ADAMTS6: variants seen among roughly 807,000 people sequenced by gnomAD.
ADAMTS6 encodes the protein A disintegrin and metalloproteinase with thrombospondin motifs 6.
ADAMTS6 carries 23 observed loss-of-function variants against 144.3 expected under a neutral mutation model. That is an observed-to-expected ratio of 0.16 (90% CI 0.11 to 0.23). The LOEUF is 0.23. Among genes scored for constraint, ADAMTS6 ranks in the 10% least tolerant of loss-of-function variants. The probability of loss-of-function intolerance (pLI) is 1.00; values close to 1 mark genes in which losing one functional copy is unlikely to be tolerated. For missense variants in ADAMTS6, 999 were observed against 1,379.6 expected (o/e 0.72, Z 4.37); for synonymous variants, 444 against 457.5 (o/e 0.97, Z 0.38).
chr5:65,442,845 A>G (rs980930249), intron 7 of ADAMTS6, among the ~76,000 whole-genome samples: 1 of 151,852 alleles, frequency 6.6e-6, no homozygotes, highest in African/African-American at 2.4e-5. Flanking sequence ...CCTACCCTCA[A>G]CAGGCCCCAG....
At chr5:65,376,060 A>G (rs1312730535) in intron 7 of ADAMTS6, among the ~76,000 whole-genome samples, 1 of 150,396 alleles carries the variant, frequency 6.6e-6, no homozygotes, top group Admixed American at 6.6e-5. Context: ...GAATTGAACA[A>G]TGAGAACACA....
intron 11 of ADAMTS6, among the ~76,000 whole-genome samples, chr5:65,280,595 C>A (rs1173543225): frequency 6.6e-6 from 1 of 152,146 alleles, no homozygotes; most frequent in Non-Finnish European, 1.5e-5. Context: ...ATGAAAAAAA[C>A]AAGGCTTGTG....
intron 3 of ADAMTS6, among the ~76,000 whole-genome samples, chr5:65,462,274 A>G (rs1759687067): frequency 6.6e-6 from 1 of 152,154 alleles, no homozygotes; most frequent in Non-Finnish European, 1.5e-5. Flanking sequence ...AGCAAGGTCT[A>G]GGCTACAGTC....
chr5:65,339,752 C>T (rs1747645166), intron 7 of ADAMTS6, among the ~76,000 whole-genome samples: 2 of 151,116 alleles, frequency 1.3e-5, no homozygotes, highest in African/African-American at 2.4e-5. Flanking sequence ...CTAGATCAGG[C>T]AGAAGAAAGA....
At chr5:65,168,747 T>C (rs1304893513) in intron 24 of ADAMTS6, among the ~76,000 whole-genome samples, 1 of 144,490 alleles carries the variant, frequency 6.9e-6, no homozygotes. Context: ...TACAACTATC[T>C]GATCTTTGAC....
intron 7 of ADAMTS6, among the ~76,000 whole-genome samples, chr5:65,438,091 C>T (rs1757584620): frequency 6.6e-6 from 1 of 152,168 alleles, no homozygotes; most frequent in Non-Finnish European, 1.5e-5. Context: ...TTGTCACCTC[C>T]AAAGGTACAT....
chr5:65,467,480 A>T (rs1017371999), intron 3 of ADAMTS6, among the ~76,000 whole-genome samples: 2 of 152,106 alleles, frequency 1.3e-5, no homozygotes, highest in Non-Finnish European at 2.9e-5. Flanking sequence ...TAAAGAATAA[A>T]AGGACAAGAA....
At chr5:65,160,450 G>A (rs948274192) in intron 24 of ADAMTS6, among the ~76,000 whole-genome samples, 4 of 151,682 alleles carry the variant, frequency 2.6e-5, no homozygotes, top group Non-Finnish European at 5.9e-5. Context: ...GGGACTACAG[G>A]TGCCCACCAC....
intron 24 of ADAMTS6, among the ~76,000 whole-genome samples, chr5:65,157,497 C>T (rs1752502034): frequency 6.6e-6 from 1 of 152,156 alleles, no homozygotes; most frequent in African/African-American, 2.4e-5. Context: ...TTGGGAGATA[C>T]CCTTCATGAC....
intron 15 of ADAMTS6, among the ~76,000 whole-genome samples, chr5:65,240,777 T>C (rs1034075952): frequency 6.6e-6 from 1 of 152,158 alleles, no homozygotes. Context: ...CTCCAGTCTA[T>C]GGTAACTTGT....
intron 7 of ADAMTS6, among the ~76,000 whole-genome samples, chr5:65,392,840 T>A (rs1753032422): frequency 6.6e-6 from 1 of 152,204 alleles, no homozygotes; most frequent in African/African-American, 2.4e-5. Flanking sequence ...TATCCAGCAA[T>A]CTTACAGCTA....
At chr5:65,322,276 T>TA (rs1349686225) in intron 9 of ADAMTS6, among the ~76,000 whole-genome samples, 1 of 152,226 alleles carries the variant, frequency 6.6e-6, no homozygotes, top group African/African-American at 2.4e-5. Context: ...TGTAGCCCTG[T>TA]AGCACAGTTT....
intron 7 of ADAMTS6, among the ~76,000 whole-genome samples, chr5:65,394,576 G>A (rs112321190): frequency 5.9e-5 from 9 of 152,326 alleles, no homozygotes; most frequent in African/African-American, 2.2e-4. Context: ...TTGGGTTGAG[G>A]AGGATTGCTC....
chr5:65,373,683 G>A (rs1238004965), intron 7 of ADAMTS6, among the ~76,000 whole-genome samples: 1 of 152,268 alleles, frequency 6.6e-6, no homozygotes, highest in East Asian at 1.9e-4. Flanking sequence ...AGAGGTACAA[G>A]GAGAAACTGG....
At chr5:65,178,429 A>G (rs1039398480) in intron 22 of ADAMTS6, among the ~76,000 whole-genome samples, 7 of 152,228 alleles carry the variant, frequency 4.6e-5, no homozygotes, top group Non-Finnish European at 2.9e-5. Flanking sequence ...TGGATAAACT[A>G]CATCTATTAT....
In ADAMTS6 at chr5:65,325,538, G is replaced by T. The variant is rs549177401; in HGVS notation, c.1223+3840C>A. Among the ~76,000 whole-genome samples the T allele has an allele frequency of 2.0e-4, 30 of 150,074 alleles. No homozygotes were observed. The South Asian group carries it at 5.9e-3, about 30-fold the overall frequency. On this transcript the variant is annotated intron_variant, in intron 9 of 24. Transcript: ENST00000381055. Reference sequence around the variant, plus strand: ...AGGGTCTTGGCCTGTCACCCAGAATGGAGTGCGGTGGCATGATCACGATCA... The same window carrying T: ...AGGGTCTTGGCCTGTCACCCAGAATTGAGTGCGGTGGCATGATCACGATCA...
chr5:65,346,623 G>A (rs1214228898), intron 7 of ADAMTS6, among the ~76,000 whole-genome samples: 1 of 151,250 alleles, frequency 6.6e-6, no homozygotes. Flanking sequence ...GGAAGTCCTA[G>A]GCAGAGCAAT....
chr5:65,405,629 G>A (rs1754394768), intron 7 of ADAMTS6, among the ~76,000 whole-genome samples: 2 of 152,100 alleles, frequency 1.3e-5, no homozygotes, highest in African/African-American at 2.4e-5. Flanking sequence ...GGCAATGTGG[G>A]CTCTTTTTTG....
rs112503323 is a variant in ADAMTS6 at position 65,217,989 on chromosome 5, C to A, written c.2273-2502G>T. Among the ~76,000 whole-genome samples the A allele has an allele frequency of 1.7e-3, 257 of 152,248 alleles. 2 individuals are homozygous for A. The highest frequency in any genetic ancestry group is 5.8e-3 in the African/African-American group (241 of 41,540). Reference sequence around the variant, plus strand: ...ACAACTTTCTGCTTGGAGACACTTTCTTTAGGTGGAGAACCCAAGCAGAAC... The same window carrying A: ...ACAACTTTCTGCTTGGAGACACTTTATTTAGGTGGAGAACCCAAGCAGAAC... On this transcript the variant is annotated intron_variant, in intron 18 of 24. Coordinates refer to ENST00000381055, the MANE Select transcript of ADAMTS6 (RefSeq NM_197941.4).
Sources: allele counts gnomAD v4.1 joint callset (sites outside exome capture counted in the v4.1 genomes callset), GRCh38; gene constraint gnomAD v4.1.1; transcripts MANE v1.5; gene names NCBI Gene and HGNC (gene_info 2026-07-23, HGNC 2026-07-21).